Variants in ZNF121 observed in about 807,000 individuals in gnomAD.
ZNF121 encodes the protein zinc finger protein 121 (clone ZHC32).
A neutral mutation model predicts 2.4 loss-of-function variants in ZNF121; 1 was observed. That is an observed-to-expected ratio of 0.41 (90% confidence interval 0.15 to 1.94). ZNF121 has a LOEUF of 1.94. Ranked by LOEUF, ZNF121 falls within the 30% of genes most tolerant of loss-of-function variation. The probability of loss-of-function intolerance (pLI) is 0.30; values close to 1 mark genes in which losing one functional copy is unlikely to be tolerated. For synonymous variants in ZNF121, 173 were observed against 158.6 expected, an observed-to-expected ratio of 1.09 and a Z score of -0.68; for missense variants, 369 against 466.3, an observed-to-expected ratio of 0.79 and a Z score of 1.92.
chr19:9,584,085 T>C (rs551867599), intron 1 of ZNF121: 2 of 152,350 alleles, frequency 1.3e-5, no homozygotes, highest in South Asian at 2.1e-4. Context: ...ACCAGGAACA[T>C]GCCGGAAACG....
In ZNF121 at chr19:9,580,304, G is replaced by GA. The variant is rs1018028941; in HGVS notation, c.-160+4156dup. Among the ~76,000 whole-genome samples the GA allele has an allele frequency of 2.2e-3, 298 of 138,320 alleles. 1 individual carries two copies. The highest frequency in any genetic ancestry group is 6.9e-3 in the African/African-American group (260 of 37,738). The allele number at this position is 138,320 out of a possible 152,430, so 90.7% of individuals were successfully genotyped here. On this transcript the variant is annotated intron_variant, in intron 1 of 3. Transcript: ENST00000320451. ...AAAACTAGTCTCAAAAAGAAAAAAA[G>GA]AAAAAAAAAAAGATAGATATTCCCT... is the stretch of plus-strand genomic sequence containing the variant.
intron 1 of ZNF121, 72 bp from the exon 2 acceptor site, chr19:9,569,154 C>T (rs4283331): frequency 1 from 152,662 of 152,686 alleles, 76,319 homozygotes; most frequent in Middle Eastern, 1. Context: ...AAGAAAAAAA[C>T]AACTATATTC....
chr19:9,562,307 G>A lies in ZNF121; in HGVS notation c.*3633C>T, dbSNP rs1266534791. On this transcript the variant is annotated 3_prime_UTR_variant, in exon 4 of 4. Coordinates refer to ENST00000320451, the MANE Select transcript of ZNF121 (RefSeq NM_001008727.5). ...AGCCTCCTGAATAGCTGGGACTATA[G>A]GTGCCTGCCACCATGCCCGGCTAAT... The A allele has an allele frequency of 6.2e-6, 1 of 161,280 alleles. No individual in the cohort carries two copies. The highest frequency in any genetic ancestry group is 1.4e-5 in the Non-Finnish European group (1 of 71,848). The allele number at this position is 161,280 out of a possible 1,614,324, so 10.0% of individuals were successfully genotyped here.
Position 9,578,042 on chromosome 19 carries a change from CAAA to C in ZNF121, c.-160+6416_-160+6418del, listed in dbSNP as rs34762369. On this transcript the variant is annotated intron_variant, in intron 1 of 3. Coordinates refer to ENST00000320451, the MANE Select transcript of ZNF121 (RefSeq NM_001008727.5). ...CCCATCTCTACTAAAAAAAAAAATA[CAAA>C]AAAAAAAAAAAATTAGCCTGGCGTG... Among the ~76,000 whole-genome samples the C allele has an allele frequency of 6.2e-3, 863 of 138,492 alleles. 6 individuals carry two copies. Among genetic ancestry groups the C allele is most frequent in the African/African-American group, 0.021 (815 of 38,004 alleles). The allele number at this position is 138,492 out of a possible 152,430, so 90.9% of individuals were successfully genotyped here. A position where few individuals can be genotyped will look rare whatever the true frequency, so the allele number is the denominator to read the frequency against.
rs367577059 is a variant in ZNF121, at chr19:9,566,096, C to T, written c.1017G>A (p.Pro339=). ...EHIRTHTGEK[P]YICKECGKTF... ...TTTTCCCACATTCCTTACATATATA[C>T]GGTTTCTCTCCAGTGTGAGTTCTTA... The change falls in exon 4 of 4, where the codon CCG becomes CCA. Residue 339 remains proline, a synonymous_variant. Coordinates refer to ENST00000320451, the MANE Select transcript of ZNF121 (RefSeq NM_001008727.5). 65 of 1,613,348 alleles carry T rather than the reference C, an allele frequency of 4.0e-5. No individual in the cohort carries two copies. The highest frequency in any genetic ancestry group is 4.8e-5 in the Non-Finnish European group (57 of 1,179,846).
intron 1 of ZNF121, among the ~76,000 whole-genome samples, chr19:9,571,967 G>A (rs770701759): frequency 8.6e-5 from 13 of 151,874 alleles, no homozygotes; most frequent in African/African-American, 1.2e-4. Flanking sequence ...GTTTCACTAC[G>A]TTGCCCAGGC....
intron 1 of ZNF121, among the ~76,000 whole-genome samples, chr19:9,582,376 A>G (rs1261918506): frequency 6.6e-6 from 1 of 152,130 alleles, no homozygotes; most frequent in African/African-American, 2.4e-5. Context: ...CTAACTGATC[A>G]ATTGACCTTG....
rs8110178 is a variant in ZNF121, at chr19:9,572,977, G to A, written c.-159-3895C>T. Among the ~76,000 whole-genome samples the A allele has an allele frequency of 3.9e-5, 6 of 152,076 alleles. No individual in the cohort carries two copies. The East Asian group carries it at 9.7e-4, about 25-fold the overall frequency. The stretch of plus-strand genomic sequence containing the variant: ...CTGCAGTAAGCCATGGTCACACCAC[G>A]GCACTGCAACCTGGGTGACAGAGAG... On this transcript the variant is annotated intron_variant, in intron 1 of 3. Coordinates refer to ENST00000320451, the MANE Select transcript of ZNF121 (RefSeq NM_001008727.5).
chr19:9,567,832 G>A (rs1360736876), intron 3 of ZNF121: 4 of 348,682 alleles, frequency 1.1e-5, no homozygotes, highest in Admixed American at 3.8e-5. Context: ...CTGACAGGTG[G>A]AGTATATGAC....
chr19:9,582,525 C>T (rs778770953), intron 1 of ZNF121, among the ~76,000 whole-genome samples: 2 of 152,116 alleles, frequency 1.3e-5, no homozygotes, highest in Non-Finnish European at 2.9e-5. Context: ...AACTGCCCGA[C>T]CCCTATCTCC....
chr19:9,569,888 G>T (rs1599736872), intron 1 of ZNF121, among the ~76,000 whole-genome samples: 1 of 137,526 alleles, frequency 7.3e-6, no homozygotes, highest in Admixed American at 7.4e-5. Context: ...CGAATATTGT[G>T]TCTTTTGTAG....
At chr19:9,579,651 G>C (rs1386555635) in intron 1 of ZNF121, among the ~76,000 whole-genome samples, 2 of 152,294 alleles carry the variant, frequency 1.3e-5, no homozygotes, top group East Asian at 3.9e-4. Flanking sequence ...CTGGGCAACA[G>C]TGAGACTCCG....
chr19:9,567,780 T>A, intron 3 of ZNF121: 1 of 266,174 alleles, frequency 3.8e-6, no homozygotes, highest in Non-Finnish European at 7.6e-6. Flanking sequence ...CATGGGTGGT[T>A]CACAGTAAGG....
intron 1 of ZNF121, among the ~76,000 whole-genome samples, chr19:9,583,979 A>C (rs2074267508): frequency 6.6e-6 from 1 of 152,234 alleles, no homozygotes; most frequent in Non-Finnish European, 1.5e-5. Flanking sequence ...GTCAAAAATA[A>C]GAATAGGACA....
intron 1 of ZNF121, among the ~76,000 whole-genome samples, chr19:9,581,407 A>C (rs940900433): frequency 1.3e-5 from 2 of 152,110 alleles, no homozygotes; most frequent in Admixed American, 6.6e-5. Context: ...GGCACGTAGA[A>C]GAAAAGTGGA....
At chr19:9,579,732 A>G (rs1451363524) in intron 1 of ZNF121, among the ~76,000 whole-genome samples, 1 of 152,238 alleles carries the variant, frequency 6.6e-6, no homozygotes, top group African/African-American at 2.4e-5. Context: ...ACTAGTGTTC[A>G]ATAGATCAGT....
Position 9,576,296 on chromosome 19 carries a change from C to A in ZNF121, c.-159-7214G>T, listed in dbSNP as rs148340080. 3.3e-3 allele frequency among the ~76,000 whole-genome samples: 505 copies of A among 151,448 alleles called. 6 individuals are homozygous for A. Among genetic ancestry groups the A allele is most frequent in the African/African-American group, 0.012 (483 of 41,114 alleles). ...ACTGCTTGCACCCAGGACTTTGAGA[C>A]CACCCTGGGCAACACAAGGAGACCC... On this transcript the variant is annotated intron_variant, in intron 1 of 3. Coordinates refer to ENST00000320451, the MANE Select transcript of ZNF121 (RefSeq NM_001008727.5).
chr19:9,583,276 G>T (rs1006524907), intron 1 of ZNF121, among the ~76,000 whole-genome samples: 2 of 151,364 alleles, frequency 1.3e-5, no homozygotes, highest in Non-Finnish European at 2.9e-5. Flanking sequence ...AAGCTCTGTG[G>T]GGGGGTACAG....
At chr19:9,576,169 G>A (rs892123074) in intron 1 of ZNF121, among the ~76,000 whole-genome samples, 4 of 152,028 alleles carry the variant, frequency 2.6e-5, no homozygotes, top group Non-Finnish European at 4.4e-5. Context: ...GACCACAAGG[G>A]AATAAAACTA....
Sources: gnomAD v4.1 joint callset for allele counts (sites outside exome capture counted in the v4.1 genomes callset) on GRCh38, gnomAD v4.1.1 for gene constraint, MANE v1.5 for transcripts, NCBI Gene and HGNC (gene_info 2026-07-23, HGNC 2026-07-21) for gene names.